Variants in RCCD1 observed in about 807,000 individuals in gnomAD.
The protein encoded by RCCD1 is RCC1 domain containing 1.
A neutral mutation model predicts 37.6 loss-of-function variants in RCCD1; 40 were observed. The observed-to-expected ratio is 1.06, with a 90% CI of 0.83 to 1.39. The LOEUF (loss-of-function observed/expected upper bound fraction) is 1.39, where lower values mean the gene tolerates loss of function less well. Among genes scored for constraint, RCCD1 ranks in the 40% most tolerant of loss-of-function variants. RCCD1 has a pLI of 0.00. For missense variants in RCCD1, 577 were observed against 517.3 expected, an observed-to-expected ratio of 1.12 and a Z score of -1.12; for synonymous variants, 263 against 230.0, an observed-to-expected ratio of 1.14 and a Z score of -1.30.
rs1219188425 is a variant in RCCD1 at position 90,957,309 on chromosome 15, G to A, written c.363G>A (p.Gly121=). 1.3e-6 allele frequency: 2 copies of A among 1,539,266 alleles called. No homozygotes were observed. The highest frequency in any genetic ancestry group is 4.9e-5 in the East Asian group (2 of 40,492). ...AGAATGTGGTGCCCGAGGCCGAAGGGGAAGACGATCCGGCCGGTGAGGCCC... is the reference window on the plus strand; with the variant it reads ...AGAATGTGGTGCCCGAGGCCGAAGGAGAAGACGATCCGGCCGGTGAGGCCC... ...WAQNVVPEAE[G]EDDPAGEAQA... The change falls in exon 3 of 8, where the codon GGG becomes GGA. Residue 121 remains glycine (G), a synonymous_variant. Transcript: ENST00000394258.
At position 90,962,893 on chromosome 15, in the gene RCCD1, G is replaced by C. The variant is rs952927449; in HGVS notation, c.*1124G>C. Reference sequence around the variant, plus strand: ...TTGGTATTACCAATTTTAATACTTAGGTGATGCTTACTCCATGCCAGGTAA... The same window carrying C: ...TTGGTATTACCAATTTTAATACTTACGTGATGCTTACTCCATGCCAGGTAA... On this transcript the variant is annotated 3_prime_UTR_variant, in exon 8 of 8. Coordinates refer to ENST00000394258, the MANE Select transcript of RCCD1 (RefSeq NM_001017919.2). 5 of 152,106 alleles carry C rather than the reference G, an allele frequency of 3.3e-5. No homozygotes were observed. The highest frequency in any genetic ancestry group is 1.3e-4 in the Admixed American group (2 of 15,258). 9.4% of individuals were successfully genotyped at this position (152,106 alleles called of 1,614,324 possible).
chr15:90,959,602 G>C (rs2037272493), intron 4 of RCCD1: 1 of 206,876 alleles, frequency 4.8e-6, no homozygotes, highest in African/African-American at 2.3e-5. Context: ...CAGTGGTTTT[G>C]AAAGGGAGAC....
intron 3 of RCCD1, 27 bp from the exon 4 acceptor site, chr15:90,957,577 T>A: frequency 6.2e-7 from 1 of 1,613,704 alleles, no homozygotes; most frequent in African/African-American, 1.3e-5. Flanking sequence ...AATGCGACTG[T>A]AGCTGACGAC....
rs1046179799 is a variant in RCCD1 at position 90,957,414 on chromosome 15, G to C, written c.468G>C (p.Pro156=). 1.5e-5 allele frequency: 23 copies of C among 1,540,214 alleles called. No individual in the cohort carries two copies. The highest frequency in any genetic ancestry group is 1.8e-5 in the Non-Finnish European group (21 of 1,145,754). The change falls in exon 3 of 8, where the codon CCG becomes CCC. Residue 156 remains proline, a synonymous_variant. Transcript: ENST00000394258. ...CGCCCTTCTACCGGCCTCTGGCTCC[G>C]GAGCTGCGGGCACGCCAGCTGGAGC... is the stretch of plus-strand genomic sequence containing the variant. ...PRAPFYRPLA[P]ELRARQLELG...
At chr15:90,960,041 G>T in intron 5 of RCCD1, 43 bp downstream of exon 5, 1 of 1,487,364 alleles carries the variant, frequency 6.7e-7, no homozygotes, top group South Asian at 1.2e-5. Context: ...CCCAGGATGT[G>T]GCTGTCATTC....
At position 90,956,802 on chromosome 15, in the gene RCCD1, C is replaced by A; in HGVS notation, c.68C>A (p.Ser23Tyr). ...GFCGFGQELG[S>Y]GRGRQVHSPS... ...TGCGGCTTCGGGCAGGAGCTGGGCT[C>A]CGGACGCGGGCGCCAGGTGCACAGC... is the stretch of plus-strand genomic sequence containing the variant. The change falls in exon 2 of 8, where the codon TCC (serine) becomes TAC (tyrosine). Residue 23 changes from serine (S) to tyrosine (Y), a missense_variant. Coordinates refer to ENST00000394258, the MANE Select transcript of RCCD1 (RefSeq NM_001017919.2). 1 of 1,313,714 alleles carries A rather than the reference C, an allele frequency of 7.6e-7. No individual in the cohort carries two copies. The highest frequency in any genetic ancestry group is 2.9e-5 in the East Asian group (1 of 34,932). 81.4% of individuals were successfully genotyped at this position (1,313,714 alleles called of 1,614,324 possible).
chr15:90,957,561 C>T, intron 3 of RCCD1, 43 bp from the exon 4 acceptor site: 1 of 1,612,556 alleles, frequency 6.2e-7, no homozygotes, highest in Non-Finnish European at 8.5e-7. Flanking sequence ...CGGAGCGGGA[C>T]CCCTTAATGC....
chr15:90,959,735 C>T (rs1488346612), intron 4 of RCCD1, 165 bp from the exon 5 acceptor site: 3 of 519,710 alleles, frequency 5.8e-6, no homozygotes, highest in Non-Finnish European at 1.0e-5. Context: ...GGATGTGAAC[C>T]TAAGACAAGC....
rs1330578652 is a variant in RCCD1, at chr15:90,957,417, G to A, written c.471G>A (p.Glu157=). The A allele has an allele frequency of 6.5e-7, 1 of 1,540,152 alleles. No homozygotes were observed. Among genetic ancestry groups the A allele is most frequent in the African/African-American group, 1.4e-5 (1 of 72,988 alleles). The stretch of plus-strand genomic sequence containing the variant: ...CCTTCTACCGGCCTCTGGCTCCGGA[G>A]CTGCGGGCACGCCAGCTGGAGCTGG... ...RAPFYRPLAP[E]LRARQLELGA... The change falls in exon 3 of 8, where the codon GAG becomes GAA. Residue 157 remains glutamate (E), a synonymous_variant. Coordinates refer to ENST00000394258, the MANE Select transcript of RCCD1 (RefSeq NM_001017919.2).
chr15:90,960,145 G>C (rs1174643706), intron 5 of RCCD1, 147 bp downstream of exon 5: 2 of 907,640 alleles, frequency 2.2e-6, no homozygotes, highest in African/African-American at 3.3e-5. Context: ...GGCTGATGCC[G>C]GTCTTGGCAC....
Position 90,961,615 on chromosome 15 carries a change from T to G in RCCD1, c.980-3T>G, listed in dbSNP as rs922054979. 1.9e-6 allele frequency: 3 copies of G among 1,610,772 alleles called. No individual in the cohort carries two copies. Among genetic ancestry groups the G allele is most frequent in the Non-Finnish European group, 8.5e-7 (1 of 1,177,946 alleles). ...GATGGCAAAGGGGCTGATTTCACTT[T>G]AGGTAAATATGGACAGCTGGGCCAC... On this transcript the variant is annotated splice_polypyrimidine_tract_variant and splice_region_variant and intron_variant, in intron 7 of 7. Transcript: ENST00000394258.
rs113150816 is a variant in RCCD1 at position 90,962,648 on chromosome 15, T to C, written c.*879T>C. On this transcript the variant is annotated 3_prime_UTR_variant, in exon 8 of 8. Coordinates refer to ENST00000394258, the MANE Select transcript of RCCD1 (RefSeq NM_001017919.2). ...GGCTCACACCTGTAGTCCCAGCACTTTGGGAGGCTAAGCAGGGAGATTGCT... is the reference window on the plus strand; with the variant it reads ...GGCTCACACCTGTAGTCCCAGCACTCTGGGAGGCTAAGCAGGGAGATTGCT... 2.0e-5 allele frequency: 3 copies of C among 152,226 alleles called. No individual in the cohort carries two copies. Among genetic ancestry groups the C allele is most frequent in the Non-Finnish European group, 2.9e-5 (2 of 68,042 alleles). 9.4% of individuals were successfully genotyped at this position (152,226 alleles called of 1,614,324 possible).
chr15:90,958,953 C>CA (rs5814449), intron 4 of RCCD1, among the ~76,000 whole-genome samples: 107 of 134,660 alleles, frequency 7.9e-4, no homozygotes, highest in South Asian at 2.0e-3. Flanking sequence ...AAAAAAAAAA[C>CA]AAAAAAAAAA....
At position 90,961,221 on chromosome 15, in the gene RCCD1, G is replaced by A. The variant is rs1596255410; in HGVS notation, c.979+167G>A. The A allele has an allele frequency of 6.1e-6, 4 of 654,836 alleles. No homozygotes were observed. The East Asian group carries it at 8.1e-5, about 13-fold the overall frequency. 40.6% of individuals were successfully genotyped at this position (654,836 alleles called of 1,614,324 possible). A position where few individuals can be genotyped will look rare whatever the true frequency, so the allele number is the denominator to read the frequency against. On this transcript the variant is annotated intron_variant, in intron 7 of 7. Transcript: ENST00000394258. ...CTGGGGTTGGAACAGACATAGGCGC[G>A]CTCAGTCCGAGGCCAGACAGGGGAG...
At chr15:90,961,195 C>T (rs1237619688) in intron 7 of RCCD1, 141 bp downstream of exon 7, 1 of 796,096 alleles carries the variant, frequency 1.3e-6, no homozygotes, top group Non-Finnish European at 2.0e-6. Context: ...CTGCTCCCTC[C>T]CTGGGGTTGG....
Position 90,962,040 on chromosome 15 carries a change from T to G in RCCD1, c.*271T>G. The G allele has an allele frequency of 4.1e-6, 1 of 242,392 alleles. No homozygotes were observed. The highest frequency in any genetic ancestry group is 8.0e-6 in the Non-Finnish European group (1 of 124,942). The allele number at this position is 242,392 out of a possible 1,614,324, so 15.0% of individuals were successfully genotyped here. On this transcript the variant is annotated 3_prime_UTR_variant, in exon 8 of 8. Coordinates refer to ENST00000394258, the MANE Select transcript of RCCD1 (RefSeq NM_001017919.2). Reference sequence around the variant, plus strand: ...GGTGTGTGGCCTGGATAGTGGTAGATTCAAAGCTCCACCCACCTCATCCCA... The same window carrying G: ...GGTGTGTGGCCTGGATAGTGGTAGAGTCAAAGCTCCACCCACCTCATCCCA...
At chr15:90,961,190 C>A in intron 7 of RCCD1, 136 bp downstream of exon 7, 1 of 820,990 alleles carries the variant, frequency 1.2e-6, no homozygotes, top group Non-Finnish European at 2.0e-6. Flanking sequence ...CAGGACTGCT[C>A]CCTCCCTGGG....
rs763356428 is a variant in RCCD1 at position 90,959,949 on chromosome 15, C to T, written c.729C>T (p.Ala243=). 1 of 1,613,688 alleles carries T rather than the reference C, an allele frequency of 6.2e-7. No homozygotes were observed. Among genetic ancestry groups the T allele is most frequent in the Admixed American group, 1.7e-5 (1 of 60,008 alleles). ...GCTGGAATGAATCAGGGCAGCTGGC[C>T]CTGCCCACCAGGAACCTGGCAGAGG... ...IWGWNESGQL[A]LPTRNLAEDG... is the part of the protein sequence containing the mutation. Residue 243 remains alanine, a synonymous_variant, in exon 5 of 8, where the codon GCC becomes GCT. Transcript: ENST00000394258.
Position 90,957,707 on chromosome 15 carries a change from C to T in RCCD1, c.661C>T (p.His221Tyr), listed in dbSNP as rs751030974. 5.6e-6 allele frequency: 9 copies of T among 1,611,342 alleles called. No individual in the cohort carries two copies. The highest frequency in any genetic ancestry group is 1.7e-5 in the Admixed American group (1 of 59,718). ...GGCTGAGGTGGCCGCGGGGGGCTGG[C>T]ATTCTGTGTGTGTGAGTGGTGAGTG... ...VMAEVAAGGW[H>Y]SVCVSETGDI... The change falls in exon 4 of 8, where the codon CAT becomes TAT. Residue 221 changes from histidine to tyrosine, a missense_variant. Physicochemically the swap from His to Tyr is moderately conservative, Grantham distance 83 (BLOSUM62 2). Transcript: ENST00000394258.
Sources: gnomAD v4.1 joint callset for allele counts (sites outside exome capture counted in the v4.1 genomes callset) on GRCh38, gnomAD v4.1.1 for gene constraint, MANE v1.5 for transcripts, NCBI Gene and HGNC (gene_info 2026-07-23, HGNC 2026-07-21) for gene names.